The following MAF variants were observed in gnomAD, a reference collection of about 807,000 sequenced individuals.
MAF encodes the protein MAF bZIP transcription factor.
MAF carries 10 observed loss-of-function variants against 22.0 expected under a neutral mutation model. The observed-to-expected ratio is 0.45, with a 90% CI of 0.28 to 0.77. MAF has a LOEUF of 0.77. Among genes scored for constraint, MAF ranks in the 30% least tolerant of loss-of-function variants. The pLI, the probability that MAF is intolerant of heterozygous loss-of-function variation, is 0.12. For missense variants in MAF, 544 were observed against 548.4 expected, an observed-to-expected ratio of 0.99 and a Z score of 0.08; for synonymous variants, 337 against 255.8, an observed-to-expected ratio of 1.32 and a Z score of -3.03.
chr16:79,485,733 C>G, the MAF span, among the ~76,000 whole-genome samples: 1 of 152,166 alleles, frequency 6.6e-6, no homozygotes, highest in Non-Finnish European at 1.5e-5. Context: ...TGTCGGGTTC[C>G]TCCTGAATCT....
the MAF span, among the ~76,000 whole-genome samples, chr16:79,504,434 T>C: frequency 2.0e-5 from 3 of 152,246 alleles, no homozygotes; most frequent in South Asian, 6.2e-4. Flanking sequence ...TACTAACTTC[T>C]TTGAGCCTAT....
chr16:79,235,333 A>C, the MAF span, among the ~76,000 whole-genome samples: 2 of 152,028 alleles, frequency 1.3e-5, no homozygotes, highest in Non-Finnish European at 2.9e-5. Context: ...AGGGAAGATC[A>C]CTTGAAGCCA....
At chr16:79,415,543 C>A in the MAF span, among the ~76,000 whole-genome samples, 67 of 152,280 alleles carry the variant, frequency 4.4e-4, no homozygotes, top group African/African-American at 1.6e-3. Context: ...GTGAGGGAGG[C>A]TGGCAGAGAT....
chr16:79,443,254 A>G, the MAF span, among the ~76,000 whole-genome samples: 1 of 152,134 alleles, frequency 6.6e-6, no homozygotes, highest in African/African-American at 2.4e-5. Context: ...ATTTGGTTCA[A>G]CTTCAGTGAT....
the MAF span, among the ~76,000 whole-genome samples, chr16:79,510,104 G>A: frequency 6.6e-6 from 1 of 152,274 alleles, no homozygotes; most frequent in South Asian, 2.1e-4. Flanking sequence ...GACGGCTACC[G>A]AACTTTAAGC....
At chr16:79,558,119 A>G in the MAF span, among the ~76,000 whole-genome samples, 3 of 150,852 alleles carry the variant, frequency 2.0e-5, no homozygotes, top group Admixed American at 6.6e-5. Flanking sequence ...CAGCTGAAGT[A>G]TCTCACAATT....
chr16:79,367,568 G>C, the MAF span, among the ~76,000 whole-genome samples: 2 of 152,194 alleles, frequency 1.3e-5, no homozygotes, highest in Non-Finnish European at 2.9e-5. Flanking sequence ...GGGATATATG[G>C]CAGCACTGTC....
chr16:79,382,812 GC>G, the MAF span, among the ~76,000 whole-genome samples: 2 of 152,170 alleles, frequency 1.3e-5, no homozygotes, highest in African/African-American at 4.8e-5. Flanking sequence ...TTGGAGCAAG[GC>G]AGAGAGCAAG....
chr16:79,486,051 T>C, the MAF span, among the ~76,000 whole-genome samples: 2 of 152,242 alleles, frequency 1.3e-5, no homozygotes, highest in South Asian at 4.2e-4. Flanking sequence ...ACAGAGAAAA[T>C]AAAAGGTCAA....
chr16:79,509,952 G>C, the MAF span, among the ~76,000 whole-genome samples: 4 of 152,220 alleles, frequency 2.6e-5, no homozygotes, highest in African/African-American at 9.6e-5. Context: ...ACTCACCGCT[G>C]AAGGATAGCG....
chr16:79,585,797 G>A (rs1047102571), downstream of MAF: 3 of 589,358 alleles, frequency 5.1e-6, no homozygotes, highest in Admixed American at 6.9e-5. Flanking sequence ...TTGCTTCCTT[G>A]CTTTTCCCTT....
chr16:79,534,442 C>A, the MAF span, among the ~76,000 whole-genome samples: 1 of 152,006 alleles, frequency 6.6e-6, no homozygotes, highest in East Asian at 1.9e-4. Context: ...ATGCAATGCC[C>A]CAAAGCTAAG....
the MAF span, among the ~76,000 whole-genome samples, chr16:79,494,194 C>T: frequency 8.5e-5 from 13 of 152,274 alleles, no homozygotes; most frequent in South Asian, 2.1e-4. Flanking sequence ...TACAGTTCCA[C>T]GGGTCAGAAG....
chr16:79,418,304 C>T, the MAF span, among the ~76,000 whole-genome samples: 1 of 152,074 alleles, frequency 6.6e-6, no homozygotes, highest in Non-Finnish European at 1.5e-5. Context: ...AGTTTTCGGG[C>T]TGGGGCCTCA....
the MAF span, among the ~76,000 whole-genome samples, chr16:79,242,665 G>A: frequency 6.6e-6 from 1 of 151,912 alleles, no homozygotes; most frequent in Admixed American, 6.6e-5. Flanking sequence ...AATTAACAAG[G>A]ATATTCAGGA....
At chr16:79,255,664 G>T in the MAF span, among the ~76,000 whole-genome samples, 4 of 152,162 alleles carry the variant, frequency 2.6e-5, no homozygotes, top group Non-Finnish European at 5.9e-5. Context: ...TCAACTGTCT[G>T]TACAGATTTG....
chr16:79,384,287 C>T, the MAF span, among the ~76,000 whole-genome samples: 1 of 151,580 alleles, frequency 6.6e-6, no homozygotes, highest in Non-Finnish European at 1.5e-5. Flanking sequence ...ATACTAAAAA[C>T]ATAACAAATT....
chr16:79,586,016 A>G (rs1597832587), intron 1 of MAF: 2 of 622,424 alleles, frequency 3.2e-6, no homozygotes, highest in Non-Finnish European at 5.6e-6. Context: ...ACAGTATGCT[A>G]CAGGCAGCCT....
chr16:79,294,912 CA>C, the MAF span, among the ~76,000 whole-genome samples: 1 of 152,146 alleles, frequency 6.6e-6, no homozygotes, highest in Non-Finnish European at 1.5e-5. Flanking sequence ...GAACAAGGAA[CA>C]AAGAAGGAGG....
Sources: gnomAD v4.1 joint callset for allele counts (sites outside exome capture counted in the v4.1 genomes callset) on GRCh38, gnomAD v4.1.1 for gene constraint, MANE v1.5 for transcripts, NCBI Gene and HGNC (gene_info 2026-07-23, HGNC 2026-07-21) for gene names.